The following ADCY1 variants were observed in gnomAD, a reference collection of about 807,000 sequenced individuals.
ADCY1 encodes adenylate cyclase type 1.
In ADCY1, 28 loss-of-function variants were observed where a neutral mutation model predicts 105.4. The ratio of observed to expected loss-of-function variants is 0.27; its 90% CI spans 0.20 to 0.36. ADCY1 has a LOEUF of 0.36. Ranked by LOEUF, ADCY1 falls within the 10% of genes least tolerant of loss-of-function variation. The pLI, the probability that ADCY1 is intolerant of heterozygous loss-of-function variation, is 1.00. For synonymous variants in ADCY1, 655 were observed against 623.8 expected (o/e 1.05, Z -0.75); for missense variants, 977 against 1,434.2 (o/e 0.68, Z 5.15).
chr7:45,633,572 G>C (rs1013073524), intron 4 of ADCY1, among the ~76,000 whole-genome samples: 1 of 152,122 alleles, frequency 6.6e-6, no homozygotes, highest in African/African-American at 2.4e-5. Flanking sequence ...GGGAGGCCAA[G>C]GCGGGCGGAT....
At position 45,686,875 on chromosome 7, in the gene ADCY1, C is replaced by G. The variant is rs1288170221; in HGVS notation, c.2454+202C>G. Among the ~76,000 whole-genome samples, 6 of 152,116 alleles carry G rather than the reference C, an allele frequency of 3.9e-5. No individual in the cohort carries two copies. ...GGTGCAGGGAGTGGGAGCCATGCCT[C>G]GTGAGAGGACAGTTCAGAAGGTTGT... On this transcript the variant is annotated intron_variant, in intron 14 of 19. Coordinates refer to ENST00000297323, the MANE Select transcript of ADCY1 (RefSeq NM_021116.4). This position sits in a 1 kb window ranked among gnomAD's most constrained non-coding sequence, Gnocchi z 4.3.
intron 6 of ADCY1, among the ~76,000 whole-genome samples, 176 bp from the exon 7 acceptor site, chr7:45,659,866 G>T (rs1584312189): frequency 6.6e-6 from 1 of 152,228 alleles, no homozygotes; most frequent in Admixed American, 6.5e-5. Flanking sequence ...TACTGTATCT[G>T]CCTGGGCCCT....
intron 11 of ADCY1, chr7:45,684,765 G>T (rs969832716): frequency 4.4e-6 from 2 of 457,194 alleles, no homozygotes; most frequent in East Asian, 3.4e-5. Context: ...GTAATTTAAA[G>T]ACTTCAGGTT....
intron 14 of ADCY1, among the ~76,000 whole-genome samples, chr7:45,694,115 TA>T (rs140981457): frequency 0.027 from 3,167 of 115,374 alleles, 61 homozygotes; most frequent in South Asian, 0.082. Flanking sequence ...TAGAGTATAA[TA>T]AAAAAAAAAA....
chr7:45,670,546 G>A (rs752589405), intron 8 of ADCY1, among the ~76,000 whole-genome samples: 2 of 152,200 alleles, frequency 1.3e-5, no homozygotes, highest in Non-Finnish European at 2.9e-5. Context: ...GGGAGGATCT[G>A]TATGCCTCAG....
chr7:45,595,494 G>A (rs766490442), intron 2 of ADCY1, among the ~76,000 whole-genome samples: 2 of 152,098 alleles, frequency 1.3e-5, no homozygotes, highest in South Asian at 2.1e-4. Context: ...GGCTGACGGC[G>A]ACTCCTTCAT....
In ADCY1 at chr7:45,591,687, C is replaced by T. The variant is rs1792921139; in HGVS notation, c.640-1072C>T. ...TCTGGCAGGACATGCCATGGCCCTGCATGGCTCGTCAGAGTTGCCTGTGTC... is the reference window on the plus strand; with the variant it reads ...TCTGGCAGGACATGCCATGGCCCTGTATGGCTCGTCAGAGTTGCCTGTGTC... On this transcript the variant is annotated intron_variant, in intron 1 of 19. Coordinates refer to ENST00000297323, the MANE Select transcript of ADCY1 (RefSeq NM_021116.4). This position sits in a 1 kb window ranked among gnomAD's most constrained non-coding sequence, Gnocchi z 4.1. Among the ~76,000 whole-genome samples the T allele has an allele frequency of 6.6e-6, 1 of 152,266 alleles. No homozygotes were observed. The highest frequency in any genetic ancestry group is 2.4e-5 in the African/African-American group (1 of 41,470).
At chr7:45,659,260 C>G (rs1273241107) in intron 6 of ADCY1, among the ~76,000 whole-genome samples, 3 of 152,230 alleles carry the variant, frequency 2.0e-5, no homozygotes, top group Admixed American at 6.5e-5. Context: ...AGGCTCCCTG[C>G]TTTCGTCCTC....
intron 1 of ADCY1, among the ~76,000 whole-genome samples, chr7:45,592,130 C>G (rs1374395687): frequency 6.6e-6 from 1 of 151,576 alleles, no homozygotes. Flanking sequence ...AACAGCCACT[C>G]TACACATATG....
At chr7:45,601,651 A>G (rs2115822807) in intron 2 of ADCY1, among the ~76,000 whole-genome samples, 1 of 152,170 alleles carries the variant, frequency 6.6e-6, no homozygotes, top group South Asian at 2.1e-4. Context: ...AATGAATGCA[A>G]TTGAGTGTGA....
chr7:45,666,023 G>A (rs142139437), intron 8 of ADCY1, among the ~76,000 whole-genome samples: 1 of 152,258 alleles, frequency 6.6e-6, no homozygotes, highest in South Asian at 2.1e-4. Flanking sequence ...TGCTGTGCTC[G>A]CTCGCACCAC....
At chr7:45,663,555 T>C (rs530465502) in intron 8 of ADCY1, among the ~76,000 whole-genome samples, 1 of 152,262 alleles carries the variant, frequency 6.6e-6, no homozygotes, top group African/African-American at 2.4e-5. Flanking sequence ...ATCGGTGGGC[T>C]CATGCCTCTA....
chr7:45,660,659 C>T (rs1431269871), intron 7 of ADCY1, among the ~76,000 whole-genome samples: 3 of 152,156 alleles, frequency 2.0e-5, no homozygotes, highest in Non-Finnish European at 4.4e-5. Context: ...TGTGAGGGGT[C>T]AGGCTCAGGT....
rs1162395623 is a variant in ADCY1 at position 45,657,754 on chromosome 7, T to G, written c.1176T>G (p.Asp392Glu). The G allele has an allele frequency of 6.2e-7, 1 of 1,613,982 alleles. No individual in the cohort carries two copies. Among genetic ancestry groups the G allele is most frequent in the African/African-American group, 1.3e-5 (1 of 75,064 alleles). Residue 392 changes from aspartate to glutamate, a missense_variant, in exon 6 of 20, where the codon GAT becomes GAG. Asp to Glu is a conservative substitution (Grantham distance 45). Transcript: ENST00000297323. The stretch of plus-strand genomic sequence containing the variant: ...CTGTGGCTGAAGCCACCGAGGTGGA[T>G]CTGAACATGCGTGTGGGTCTGCACA... ...ITSVAEATEV[D>E]LNMRVGLHTG...
rs141173150 is a variant in ADCY1 at position 45,689,784 on chromosome 7, G to T, written c.2454+3111G>T. On this transcript the variant is annotated intron_variant, in intron 14 of 19. Transcript: ENST00000297323. ...GCCTGACTGCGGCCACAGTGGGTTTGAGAGGAAGCAAAGCCAGGCATACTG... is the reference window on the plus strand; with the variant it reads ...GCCTGACTGCGGCCACAGTGGGTTTTAGAGGAAGCAAAGCCAGGCATACTG... Among the ~76,000 whole-genome samples, 452 of 152,362 alleles carry T rather than the reference G, an allele frequency of 3.0e-3. 2 individuals are homozygous for T. Among genetic ancestry groups the T allele is most frequent in the Non-Finnish European group, 5.2e-3 (357 of 68,042 alleles).
At chr7:45,657,612 A>G (rs1035168948) in intron 5 of ADCY1, 115 bp from the exon 6 acceptor site, 2 of 1,139,502 alleles carry the variant, frequency 1.8e-6, no homozygotes, top group Non-Finnish European at 2.5e-6. Context: ...GGCCACATGC[A>G]GCAAGGACAA....
chr7:45,613,562 ATATTAC>A (rs1240258406), intron 3 of ADCY1, among the ~76,000 whole-genome samples: 2 of 152,186 alleles, frequency 1.3e-5, no homozygotes, highest in Admixed American at 1.3e-4. Context: ...TTTTCATCAT[ATATTAC>A]ATATATGATG....
intron 4 of ADCY1, among the ~76,000 whole-genome samples, chr7:45,623,412 G>C (rs1369568662): frequency 6.6e-6 from 1 of 152,206 alleles, no homozygotes; most frequent in African/African-American, 2.4e-5. Context: ...TGCCCTCCTG[G>C]GACTTAGTCA....
intron 14 of ADCY1, among the ~76,000 whole-genome samples, chr7:45,701,819 G>C (rs1785001973): frequency 6.6e-6 from 1 of 152,212 alleles, no homozygotes; most frequent in African/African-American, 2.4e-5. Context: ...GCCGCTGCGT[G>C]GGCAGAGTGT....
Sources: gnomAD v4.1 joint callset for allele counts (sites outside exome capture counted in the v4.1 genomes callset) on GRCh38, gnomAD v4.1.1 for gene constraint, Gnocchi (gnomAD v3.1) non-coding constraint, MANE v1.5 for transcripts, NCBI Gene and HGNC (gene_info 2026-07-23, HGNC 2026-07-21) for gene names.